PLEKHB2: variants seen among roughly 807,000 people sequenced by gnomAD.
The protein encoded by PLEKHB2 is pleckstrin homology domain-containing family B member 2.
In PLEKHB2, 31 loss-of-function variants were observed where a neutral mutation model predicts 36.5. The observed-to-expected ratio is 0.85, with a 90% CI of 0.64 to 1.15. The LOEUF is 1.15. Ranked by LOEUF, PLEKHB2 falls within the 50% of genes most tolerant of loss-of-function variation. The pLI is 0.00. For synonymous variants in PLEKHB2, 119 were observed against 112.0 expected, an observed-to-expected ratio of 1.06 and a Z score of -0.39; for missense variants, 262 against 295.3, an observed-to-expected ratio of 0.89 and a Z score of 0.83.
At chr2:131,120,831 C>G in intron 1 of PLEKHB2, 103 bp from the exon 2 acceptor site, 1 of 1,178,714 alleles carries the variant, frequency 8.5e-7, no homozygotes, top group Admixed American at 1.8e-5. Context: ...GGCCTTGGGC[C>G]CTTCCTCAGC....
chr2:131,118,808 C>CA (rs1164005631), intron 1 of PLEKHB2: 1 of 118,550 alleles, frequency 8.4e-6, no homozygotes, highest in East Asian at 3.0e-4. Context: ...GCGGAGCTTG[C>CA]AGTGAGCCGA....
rs1699348791 is a variant in PLEKHB2 at position 131,146,954 on chromosome 2, T to A, written c.*181T>A. The A allele has an allele frequency of 2.0e-6, 1 of 492,486 alleles. No individual in the cohort carries two copies. Among genetic ancestry groups the A allele is most frequent in the African/African-American group, 2.0e-5 (1 of 50,910 alleles). The allele number at this position is 492,486 out of a possible 1,614,324, so 30.5% of individuals were successfully genotyped here. ...CCACAGAGAAGGGTTTGAACTGTGC[T>A]ATTTTGTTCAAATGTTGACTCTCCG... On this transcript the variant is annotated 3_prime_UTR_variant, in exon 8 of 8. Transcript: ENST00000693505.
At chr2:131,143,784 G>A (rs1430212374) in intron 7 of PLEKHB2, among the ~76,000 whole-genome samples, 2 of 152,196 alleles carry the variant, frequency 1.3e-5, no homozygotes, top group Non-Finnish European at 2.9e-5. Flanking sequence ...CCACATGAGA[G>A]CCAGCCTCTT....
intron 1 of PLEKHB2, among the ~76,000 whole-genome samples, chr2:131,118,706 A>G (rs768883672): frequency 1.8e-4 from 28 of 151,634 alleles, no homozygotes; most frequent in Non-Finnish European, 3.4e-4. Flanking sequence ...TTTACTGAAA[A>G]TACAAGAAAA....
intron 6 of PLEKHB2, among the ~76,000 whole-genome samples, chr2:131,135,594 G>A (rs931265464): frequency 6.6e-6 from 1 of 151,932 alleles, no homozygotes; most frequent in Non-Finnish European, 1.5e-5. Flanking sequence ...CTGATTTTAG[G>A]GGGGATGTAT....
chr2:131,121,020 GGCA>G, intron 2 of PLEKHB2, 42 bp downstream of exon 2: 1 of 1,595,688 alleles, frequency 6.3e-7, no homozygotes, highest in Non-Finnish European at 8.6e-7. Flanking sequence ...ATTGCCGAAG[GGCA>G]GTCTCTATTT....
intron 5 of PLEKHB2, 119 bp from the exon 6 acceptor site, chr2:131,132,783 C>T (rs1697839222): frequency 1.6e-6 from 1 of 640,998 alleles, no homozygotes; most frequent in Non-Finnish European, 2.8e-6. Context: ...TTGCAGAGAG[C>T]TATGTATCTT....
chr2:131,126,844 AT>A, intron 4 of PLEKHB2, 58 bp downstream of exon 4: 1 of 1,004,240 alleles, frequency 1.0e-6, no homozygotes. Flanking sequence ...TTAACTTCTG[AT>A]TACCAAAAAA....
At chr2:131,140,410 G>A (rs892300708) in intron 7 of PLEKHB2, 135 bp downstream of exon 7, 26 of 582,138 alleles carry the variant, frequency 4.5e-5, no homozygotes, top group African/African-American at 3.6e-4. Context: ...AAATCACTCT[G>A]TTACTATGCT....
intron 6 of PLEKHB2, 45 bp downstream of exon 6, chr2:131,133,036 C>G: frequency 8.1e-7 from 1 of 1,229,902 alleles, no homozygotes; most frequent in Non-Finnish European, 1.2e-6. Flanking sequence ...TTTGGGGTCT[C>G]TGCTGCTGTC....
Position 131,135,843 on chromosome 2 carries a change from T to C in PLEKHB2, c.423+2852T>C, listed in dbSNP as rs1454917245. ...CAGGATGGTCTCGATCTCCTGACCT[T>C]GTGATCCACCCACCTTGGCCTACCA... On this transcript the variant is annotated intron_variant, in intron 6 of 7. Coordinates refer to ENST00000693505, the MANE Select transcript of PLEKHB2 (RefSeq NM_001100623.2). Among the ~76,000 whole-genome samples the C allele has an allele frequency of 8.6e-5, 13 of 152,010 alleles. No homozygotes were observed. In the East Asian group the frequency reaches 2.5e-3, roughly 30 times the overall value.
At position 131,140,405 on chromosome 2, in the gene PLEKHB2, A is replaced by G. The variant is rs1386608233; in HGVS notation, c.532+130A>G. ...ATTTTCTGGTTGTAGACTACAAATC[A>G]CTCTGTTACTATGCTTTAAGAAAGC... On this transcript the variant is annotated intron_variant, in intron 7 of 7. Coordinates refer to ENST00000693505, the MANE Select transcript of PLEKHB2 (RefSeq NM_001100623.2). 4 of 584,218 alleles carry G rather than the reference A, an allele frequency of 6.8e-6. No individual in the cohort carries two copies. In the African/African-American group the frequency reaches 7.5e-5, roughly 11 times the overall value. The allele number at this position is 584,218 out of a possible 1,614,324, so 36.2% of individuals were successfully genotyped here. A position where few individuals can be genotyped will look rare whatever the true frequency, so the allele number is the denominator to read the frequency against.
intron 4 of PLEKHB2, among the ~76,000 whole-genome samples, chr2:131,127,548 A>G (rs1697217675): frequency 6.6e-6 from 1 of 152,214 alleles, no homozygotes; most frequent in African/African-American, 2.4e-5. Context: ...TATCTTTTTC[A>G]TGAGGACACA....
rs943403287 is a variant in PLEKHB2, at chr2:131,149,060, A to T, written c.*2287A>T. The T allele has an allele frequency of 6.6e-6, 1 of 151,960 alleles. No individual in the cohort carries two copies. Among genetic ancestry groups the T allele is most frequent in the Non-Finnish European group, 1.5e-5 (1 of 68,002 alleles). 9.4% of individuals were successfully genotyped at this position (151,960 alleles called of 1,614,324 possible). A position where few individuals can be genotyped will look rare whatever the true frequency, so the allele number is the denominator to read the frequency against. ...GGGAGGTGTAGACTGAAGCTTGGGC[A>T]CTCATGTGTGTCCCCTCCCCAGTCC... On this transcript the variant is annotated 3_prime_UTR_variant, in exon 8 of 8. Coordinates refer to ENST00000693505, the MANE Select transcript of PLEKHB2 (RefSeq NM_001100623.2).
chr2:131,109,204 C>A (rs1382387070), intron 1 of PLEKHB2, among the ~76,000 whole-genome samples: 8 of 152,134 alleles, frequency 5.3e-5, no homozygotes, highest in Admixed American at 5.2e-4. Flanking sequence ...AATCATACTT[C>A]ATGATTTTTG....
At chr2:131,134,365 T>C (rs561395802) in intron 6 of PLEKHB2, among the ~76,000 whole-genome samples, 18 of 152,292 alleles carry the variant, frequency 1.2e-4, no homozygotes, top group African/African-American at 4.1e-4. Flanking sequence ...CTTTTCTCGG[T>C]TGTGCTTTTG....
At position 131,133,807 on chromosome 2, in the gene PLEKHB2, C is replaced by T. The variant is rs536304318; in HGVS notation, c.423+816C>T. 9.2e-5 allele frequency among the ~76,000 whole-genome samples: 14 copies of T among 152,060 alleles called. No homozygotes were observed. In the East Asian group the frequency reaches 1.5e-3, roughly 17 times the overall value. ...GTCATATAAATGAAATCATATAGCA[C>T]GTGGTCTTGGGAGTTTAACGTTTTT... On this transcript the variant is annotated intron_variant, in intron 6 of 7. Transcript: ENST00000693505.
intron 6 of PLEKHB2, among the ~76,000 whole-genome samples, chr2:131,136,375 ATT>A (rs893569537): frequency 6.7e-6 from 1 of 148,254 alleles, no homozygotes; most frequent in African/African-American, 2.5e-5. Flanking sequence ...CTGCAAAAAA[ATT>A]TTTTTTTTTT....
intron 4 of PLEKHB2, 79 bp from the exon 5 acceptor site, chr2:131,130,642 A>T: frequency 9.3e-7 from 1 of 1,081,058 alleles, no homozygotes; most frequent in Non-Finnish European, 1.4e-6. Context: ...CTTTTCAGGA[A>T]TTCTGATGCC....
Sources: gnomAD v4.1 joint callset for allele counts (sites outside exome capture counted in the v4.1 genomes callset) on GRCh38, gnomAD v4.1.1 for gene constraint, MANE v1.5 for transcripts, NCBI Gene and HGNC (gene_info 2026-07-23, HGNC 2026-07-21) for gene names.